Variants in RAP2A observed in about 807,000 individuals in gnomAD.
The protein encoded by RAP2A is ras-related protein Rap-2a.
RAP2A carries 5 observed loss-of-function variants against 15.1 expected under a neutral mutation model. The ratio of observed to expected loss-of-function variants is 0.33; its 90% CI spans 0.17 to 0.70. The LOEUF (loss-of-function observed/expected upper bound fraction) is 0.70, where lower values mean the gene tolerates loss of function less well. RAP2A is among the 30% of genes least tolerant of loss of function. The pLI is 0.68. For synonymous variants in RAP2A, 110 were observed against 99.7 expected (o/e 1.10, Z -0.62); for missense variants, 111 against 240.3 (o/e 0.46, Z 3.56).
In RAP2A at chr13:97,452,616, T is replaced by C. The variant is rs183350268; in HGVS notation, c.315-11589T>C. The stretch of plus-strand genomic sequence containing the variant: ...TATTTTGCATTTCTGTAGAATCCTT[T>C]GCATTTTCAAGAATCAGTCACACAC... On this transcript the variant is annotated intron_variant, in intron 1 of 1. Transcript: ENST00000245304. 1.9e-3 allele frequency among the ~76,000 whole-genome samples: 277 copies of C among 147,190 alleles called. 12 individuals carry two copies. Among genetic ancestry groups the C allele is most frequent in the African/African-American group, 6.4e-3 (256 of 40,040 alleles).
intron 1 of RAP2A, among the ~76,000 whole-genome samples, chr13:97,439,239 C>T (rs1345652291): frequency 1.3e-5 from 2 of 152,032 alleles, no homozygotes; most frequent in Non-Finnish European, 2.9e-5. Context: ...TAGTCAAGGA[C>T]CATAATCACA....
chr13:97,462,384 CTG>C (rs1236063074), intron 1 of RAP2A, among the ~76,000 whole-genome samples: 1 of 152,122 alleles, frequency 6.6e-6, no homozygotes, highest in Non-Finnish European at 1.5e-5. Flanking sequence ...CCAAGCTTCT[CTG>C]TATAGCCAAT....
chr13:97,435,334 G>A (rs945219928), intron 1 of RAP2A, among the ~76,000 whole-genome samples: 1 of 151,956 alleles, frequency 6.6e-6, no homozygotes, highest in Non-Finnish European at 1.5e-5. Flanking sequence ...ATTATTTGAA[G>A]ACATCATAAG....
chr13:97,437,704 T>C (rs572662477), intron 1 of RAP2A: 14 of 152,356 alleles, frequency 9.2e-5, no homozygotes, highest in East Asian at 3.9e-4. Context: ...CTTGGAAGAA[T>C]TGTGTTGGTA....
intron 1 of RAP2A, among the ~76,000 whole-genome samples, chr13:97,439,685 A>G (rs1453334420): frequency 1.3e-5 from 2 of 152,196 alleles, no homozygotes; most frequent in Non-Finnish European, 1.5e-5. Context: ...GGGAGAGTAG[A>G]TGAAACCTAC....
intron 1 of RAP2A, among the ~76,000 whole-genome samples, chr13:97,438,311 C>T (rs1255475261): frequency 3.9e-5 from 6 of 152,162 alleles, no homozygotes; most frequent in Admixed American, 6.5e-5. Context: ...TCCCTCCCTG[C>T]CTGTGCAGCC....
intron 1 of RAP2A, among the ~76,000 whole-genome samples, chr13:97,445,629 C>CT (rs1299497220): frequency 6.6e-6 from 1 of 152,132 alleles, no homozygotes; most frequent in Non-Finnish European, 1.5e-5. Context: ...GTGCTGTTAC[C>CT]TTTATTGAAG....
chr13:97,440,209 G>A lies in RAP2A; in HGVS notation c.314+5425G>A, dbSNP rs185685628. Among the ~76,000 whole-genome samples, 796 of 152,162 alleles carry A rather than the reference G, an allele frequency of 5.2e-3. 9 individuals are homozygous for A. Among genetic ancestry groups the A allele is most frequent in the South Asian group, 0.049 (237 of 4,820 alleles). On this transcript the variant is annotated intron_variant, in intron 1 of 1. Coordinates refer to ENST00000245304, the MANE Select transcript of RAP2A (RefSeq NM_021033.7). ...ACTTAATTCAAAGCTGGACCTCCCA[G>A]GTACAGAGCCTAATAGCTGTGGGTC...
Position 97,454,645 on chromosome 13 carries a change from C to T in RAP2A, c.315-9560C>T, listed in dbSNP as rs188372679. Reference sequence around the variant, plus strand: ...TCAAAAAGGACTATAATTTTTTGTACGTTTATACATATTGTAAAGAACTTG... The same window carrying T: ...TCAAAAAGGACTATAATTTTTTGTATGTTTATACATATTGTAAAGAACTTG... On this transcript the variant is annotated intron_variant, in intron 1 of 1. Transcript: ENST00000245304. Among the ~76,000 whole-genome samples the T allele has an allele frequency of 2.7e-4, 41 of 151,180 alleles. 1 individual carries two copies. The highest frequency in any genetic ancestry group is 3.4e-3 in the Middle Eastern group (1 of 294).
At chr13:97,447,793 C>T (rs9582133) in intron 1 of RAP2A, among the ~76,000 whole-genome samples, 3,965 of 152,166 alleles carry the variant, frequency 0.026, 67 homozygotes, top group African/African-American at 0.038. Flanking sequence ...TCTCATTCTA[C>T]TTTGTGTGTC....
intron 1 of RAP2A, among the ~76,000 whole-genome samples, chr13:97,463,710 CT>C (rs1412730915): frequency 6.6e-6 from 1 of 152,224 alleles, no homozygotes; most frequent in Non-Finnish European, 1.5e-5. Context: ...CTGTCTCAGC[CT>C]CCCGAGTAGC....
At chr13:97,441,170 G>A (rs574355550) in intron 1 of RAP2A, among the ~76,000 whole-genome samples, 1 of 152,250 alleles carries the variant, frequency 6.6e-6, no homozygotes, top group African/African-American at 2.4e-5. Flanking sequence ...CCGGGGTGAT[G>A]AGGGAAGGGG....
At chr13:97,458,449 A>T (rs1404826344) in intron 1 of RAP2A, among the ~76,000 whole-genome samples, 1 of 152,186 alleles carries the variant, frequency 6.6e-6, no homozygotes, top group African/African-American at 2.4e-5. Context: ...TTGAGTCTGG[A>T]CTTGCCGCAT....
chr13:97,455,086 CAT>C (rs1254235588), intron 1 of RAP2A, among the ~76,000 whole-genome samples: 6 of 151,282 alleles, frequency 4.0e-5, no homozygotes, highest in Non-Finnish European at 7.4e-5. Flanking sequence ...TGTGCTTTGA[CAT>C]AGTTCTGCTC....
intron 1 of RAP2A, among the ~76,000 whole-genome samples, chr13:97,460,350 AC>A (rs2066740987): frequency 3.3e-5 from 5 of 152,206 alleles, no homozygotes; most frequent in African/African-American, 1.2e-4. Flanking sequence ...GGTGTGACCC[AC>A]CATGTCTGTT....
intron 1 of RAP2A, among the ~76,000 whole-genome samples, chr13:97,443,318 A>G (rs1181326190): frequency 2.6e-5 from 4 of 152,234 alleles, no homozygotes; most frequent in African/African-American, 7.2e-5. Flanking sequence ...TGGAAATACT[A>G]TATTAATAAT....
chr13:97,466,554 A>G lies in RAP2A; in HGVS notation c.*2112A>G, dbSNP rs1005412214. 6.6e-6 allele frequency: 1 copy of G among 152,250 alleles called. No individual in the cohort carries two copies. The allele number at this position is 152,250 out of a possible 1,614,324, so 9.4% of individuals were successfully genotyped here. On this transcript the variant is annotated 3_prime_UTR_variant, in exon 2 of 2. Transcript: ENST00000245304. ...TCTCAGAATGATTCTTTAGAATTCT[A>G]TAATTCATAGCAATTTTTGACAAGT...
intron 1 of RAP2A, among the ~76,000 whole-genome samples, chr13:97,461,178 T>C (rs2066744685): frequency 6.6e-6 from 1 of 152,198 alleles, no homozygotes; most frequent in Non-Finnish European, 1.5e-5. Flanking sequence ...GTAAAGGAAA[T>C]GATCTCATTG....
intron 1 of RAP2A, chr13:97,441,628 G>T: frequency 3.9e-6 from 1 of 254,034 alleles, no homozygotes; most frequent in South Asian, 3.9e-5. Context: ...TTTAGTCATT[G>T]TCTTTAGAAC....
Sources: allele counts gnomAD v4.1 joint callset (sites outside exome capture counted in the v4.1 genomes callset), GRCh38; gene constraint gnomAD v4.1.1; transcripts MANE v1.5; gene names NCBI Gene and HGNC (gene_info 2026-07-23, HGNC 2026-07-21).